Variants in ADAMTS9 observed in about 807,000 individuals in gnomAD.
ADAMTS9 encodes the protein A disintegrin and metalloproteinase with thrombospondin motifs 9.
ADAMTS9 carries 107 observed loss-of-function variants against 257.1 expected under a neutral mutation model. The observed-to-expected ratio is 0.42, with a 90% CI of 0.36 to 0.49. The LOEUF (loss-of-function observed/expected upper bound fraction) is 0.49. Ranked by LOEUF, ADAMTS9 falls within the 20% of genes least tolerant of loss-of-function variation. ADAMTS9 has a pLI of 0.03. For missense variants in ADAMTS9, 2,353 were observed against 2,469.1 expected (o/e 0.95, Z 1.00); for synonymous variants, 982 against 880.9 (o/e 1.11, Z -2.03).
At chr3:64,518,106 G>A (rs772931064) in intron 39 of ADAMTS9, among the ~76,000 whole-genome samples, 2 of 152,192 alleles carry the variant, frequency 1.3e-5, no homozygotes, top group Non-Finnish European at 2.9e-5. Flanking sequence ...AGCTGCCCAG[G>A]ACCATGGTGT....
intron 27 of ADAMTS9, among the ~76,000 whole-genome samples, chr3:64,596,078 G>A (rs768354076): frequency 3.3e-5 from 5 of 152,126 alleles, no homozygotes; most frequent in Non-Finnish European, 7.4e-5. Flanking sequence ...GATTAAAGGC[G>A]ATGTGCTACG....
At position 64,681,210 on chromosome 3, in the gene ADAMTS9, C is replaced by G; in HGVS notation, c.670G>C (p.Asp224His). Reference protein sequence around the residue: ...REPSTGRHACDTSEHKNRHSK... With the variant: ...REPSTGRHACHTSEHKNRHSK... Reference sequence around the variant, plus strand: ...AGCAAGAAGCAAATACCTGAGGTGTCACATGCATGCCTTCCTGTTGAGGGC... The same window carrying G: ...AGCAAGAAGCAAATACCTGAGGTGTGACATGCATGCCTTCCTGTTGAGGGC... The change falls in exon 3 of 40, where the codon GAC becomes CAC. Residue 224 changes from aspartate to histidine, a missense_variant. Coordinates refer to ENST00000498707, the MANE Select transcript of ADAMTS9 (RefSeq NM_182920.2). 16 of 1,612,282 alleles carry G rather than the reference C, an allele frequency of 9.9e-6. No individual in the cohort carries two copies. Among genetic ancestry groups the G allele is most frequent in the Non-Finnish European group, 1.3e-5 (15 of 1,179,440 alleles).
At chr3:64,623,643 A>T (rs987320084) in intron 16 of ADAMTS9, among the ~76,000 whole-genome samples, 1 of 152,170 alleles carries the variant, frequency 6.6e-6, no homozygotes. Flanking sequence ...ACCAACCCAG[A>T]CCATTATTTC....
In ADAMTS9 at chr3:64,687,402, G is replaced by T; in HGVS notation, c.115+141C>A. ...AGCAATTGGTTGGGGATGACCCAAAGAAGGGAGAGGCTGCAAAGCGGGAGA... is the reference window on the plus strand; with the variant it reads ...AGCAATTGGTTGGGGATGACCCAAATAAGGGAGAGGCTGCAAAGCGGGAGA... On this transcript the variant is annotated intron_variant, in intron 1 of 39. Transcript: ENST00000498707. This position sits in a 1 kb window ranked among gnomAD's most constrained non-coding sequence, Gnocchi z 4.4. 1.3e-6 allele frequency: 1 copy of T among 750,898 alleles called. No individual in the cohort carries two copies. The highest frequency in any genetic ancestry group is 2.1e-6 in the Non-Finnish European group (1 of 486,018). The allele number at this position is 750,898 out of a possible 1,614,324, so 46.5% of individuals were successfully genotyped here.
chr3:64,571,363 G>T (rs59902899), intron 28 of ADAMTS9, among the ~76,000 whole-genome samples: 1,620 of 152,322 alleles, frequency 0.011, 35 homozygotes, highest in African/African-American at 0.036. Context: ...CTTCCCACAT[G>T]ACTTCAACAC....
At chr3:64,596,153 T>C (rs1282361757) in intron 27 of ADAMTS9, among the ~76,000 whole-genome samples, 5 of 152,220 alleles carry the variant, frequency 3.3e-5, no homozygotes, top group Admixed American at 3.3e-4. Flanking sequence ...ATTACTATCC[T>C]TATTTACAGA....
chr3:64,639,430 C>G (rs1200299506), intron 12 of ADAMTS9, among the ~76,000 whole-genome samples: 6 of 150,278 alleles, frequency 4.0e-5, no homozygotes, highest in Non-Finnish European at 2.9e-5. Context: ...CACTTTGAAG[C>G]TCAAGATCCT....
intron 3 of ADAMTS9, among the ~76,000 whole-genome samples, chr3:64,663,722 G>A (rs1047571663): frequency 1.3e-5 from 2 of 152,100 alleles, no homozygotes; most frequent in African/African-American, 2.4e-5. Flanking sequence ...AAATAATTCA[G>A]CATACTTTAG....
chr3:64,613,314 T>G, intron 22 of ADAMTS9, 31 bp downstream of exon 22: 1 of 1,606,412 alleles, frequency 6.2e-7, no homozygotes, highest in African/African-American at 1.3e-5. Flanking sequence ...GGAAAGAATG[T>G]AGCAGTTAAG....
chr3:64,626,193 C>G (rs1700216582), intron 16 of ADAMTS9, among the ~76,000 whole-genome samples: 1 of 152,122 alleles, frequency 6.6e-6, no homozygotes. Context: ...CTCCTTATCA[C>G]ACTTCTATAA....
chr3:64,604,285 G>A lies in ADAMTS9; in HGVS notation c.3521C>T (p.Thr1174Met), dbSNP rs751624906. 37 of 1,613,126 alleles carry A rather than the reference G, an allele frequency of 2.3e-5. No individual in the cohort carries two copies. Among genetic ancestry groups the A allele is most frequent in the East Asian group, 4.5e-5 (2 of 44,852 alleles). ...SCHPPPAAPE[T>M]RRSTYSAPRT... ...TGGTGCACTGTATGTGCTTCTCCTC[G>A]TTTCCGGGGCAGCTGGGGGAGGATG... Residue 1174 changes from threonine to methionine, a missense_variant, in exon 24 of 40, where the codon ACG becomes ATG. By Grantham distance (81) the Thr-to-Met change is moderately conservative. This residue lies in a region of ADAMTS9 where 1,402 missense variants were observed against 1,441.4 expected (regional missense o/e 0.97). Transcript: ENST00000498707.
At chr3:64,582,623 T>A (rs1473958939) in intron 28 of ADAMTS9, 1 of 152,166 alleles carries the variant, frequency 6.6e-6, no homozygotes, top group Non-Finnish European at 1.5e-5. Flanking sequence ...TCTGAAGATA[T>A]TTTTCACTGT....
At chr3:64,612,846 C>T (rs984680486) in intron 22 of ADAMTS9, among the ~76,000 whole-genome samples, 6 of 152,120 alleles carry the variant, frequency 3.9e-5, no homozygotes, top group African/African-American at 1.4e-4. Flanking sequence ...AGATTATTTC[C>T]AAGCATGAGG....
In ADAMTS9 at chr3:64,594,417, A is replaced by C. The variant is rs951931798; in HGVS notation, c.4197T>G (p.Gly1399=). The C allele has an allele frequency of 6.2e-7, 1 of 1,613,858 alleles. No homozygotes were observed. Among genetic ancestry groups the C allele is most frequent in the Non-Finnish European group, 8.5e-7 (1 of 1,179,912 alleles). The change falls in exon 28 of 40, where the codon GGT becomes GGG. Residue 1399 remains glycine, a synonymous_variant. Coordinates refer to ENST00000498707, the MANE Select transcript of ADAMTS9 (RefSeq NM_182920.2). ...CCACCAGTCTTGTTCTTATGCCTCC[A>C]CCACACAGCTTAGTGCACTGGAAGA... ...GNWGECTKLC[G]GGIRTRLVVC... is the part of the protein sequence containing the mutation.
intron 30 of ADAMTS9, among the ~76,000 whole-genome samples, chr3:64,559,268 A>T (rs563307969): frequency 6.6e-6 from 1 of 152,242 alleles, no homozygotes; most frequent in South Asian, 2.1e-4. Flanking sequence ...CAGGCCTTGC[A>T]TGTATGGGAA....
chr3:64,683,156 G>A (rs939850563), intron 2 of ADAMTS9, among the ~76,000 whole-genome samples: 1 of 152,178 alleles, frequency 6.6e-6, no homozygotes, highest in Admixed American at 6.5e-5. Context: ...GCACAAATCA[G>A]AGAGCATATC....
At chr3:64,567,779 G>A (rs1489823131) in intron 29 of ADAMTS9, among the ~76,000 whole-genome samples, 2 of 151,534 alleles carry the variant, frequency 1.3e-5, no homozygotes, top group African/African-American at 4.9e-5. Flanking sequence ...GAAGACCCCT[G>A]CAAAGCGCTG....
In ADAMTS9 at chr3:64,538,081, T is replaced by C. The variant is rs76112390; in HGVS notation, c.5613+1122A>G. 2.3e-3 allele frequency among the ~76,000 whole-genome samples: 348 copies of C among 152,288 alleles called. 1 individual carries two copies. Among genetic ancestry groups the C allele is most frequent in the African/African-American group, 7.3e-3 (305 of 41,544 alleles). ...TCTGGTCCGAACACTGCAGACGTTG[T>C]AGAACTGAAGTAGGGGTAACAGGTT... is the stretch of plus-strand genomic sequence containing the variant. On this transcript the variant is annotated intron_variant, in intron 37 of 39. Coordinates refer to ENST00000498707, the MANE Select transcript of ADAMTS9 (RefSeq NM_182920.2).
chr3:64,596,779 G>A (rs1182774583), intron 27 of ADAMTS9, 51 bp downstream of exon 27: 1 of 1,602,766 alleles, frequency 6.2e-7, no homozygotes, highest in Non-Finnish European at 8.5e-7. Context: ...GATAAATACA[G>A]TTTGGTTAAC....
Sources: gnomAD v4.1 joint callset for allele counts (sites outside exome capture counted in the v4.1 genomes callset) on GRCh38, gnomAD v4.1.1 for gene constraint, gnomAD v4.1.1 regional missense constraint, Gnocchi (gnomAD v3.1) non-coding constraint, MANE v1.5 for transcripts, NCBI Gene and HGNC (gene_info 2026-07-23, HGNC 2026-07-21) for gene names.